LDB2: variants seen among roughly 807,000 people sequenced by gnomAD.
The protein encoded by LDB2 is LIM domain binding 2, also known as LIM domain-binding protein 2.
Under a neutral mutation model 44.3 loss-of-function variants are expected in LDB2, and 12 were observed. The ratio of observed to expected loss-of-function variants is 0.27; its 90% CI spans 0.17 to 0.44. LDB2 has a LOEUF of 0.44. Ranked by LOEUF, LDB2 falls within the 20% of genes least tolerant of loss-of-function variation. The pLI is 1.00. For missense variants in LDB2, 344 were observed against 473.5 expected, an observed-to-expected ratio of 0.73 and a Z score of 2.54; for synonymous variants, 164 against 174.8, an observed-to-expected ratio of 0.94 and a Z score of 0.49.
intron 5 of LDB2, among the ~76,000 whole-genome samples, chr4:16,555,889 G>A (rs1382988278): frequency 6.6e-6 from 1 of 152,088 alleles, no homozygotes; most frequent in Non-Finnish European, 1.5e-5. Context: ...TCAATCTCGC[G>A]TTACTCTCCC....
chr4:16,746,100 A>ATGGGCCTT (rs1306026493), intron 2 of LDB2, among the ~76,000 whole-genome samples: 3 of 152,208 alleles, frequency 2.0e-5, no homozygotes, highest in African/African-American at 7.2e-5. Flanking sequence ...AATATTGACC[A>ATGGGCCTT]TGGGCCTTTC....
intron 2 of LDB2, among the ~76,000 whole-genome samples, chr4:16,618,261 T>C (rs565028763): frequency 6.6e-6 from 1 of 152,160 alleles, no homozygotes; most frequent in Non-Finnish European, 1.5e-5. Flanking sequence ...CTGACACTTC[T>C]AACAAGTGTC....
chr4:16,796,099 C>G (rs1219134304), intron 1 of LDB2, among the ~76,000 whole-genome samples: 1 of 151,914 alleles, frequency 6.6e-6, no homozygotes, highest in Non-Finnish European at 1.5e-5. Flanking sequence ...TGAGACCAGT[C>G]TGGGCAACAT....
intron 1 of LDB2, among the ~76,000 whole-genome samples, chr4:16,861,895 C>G (rs1561469549): frequency 6.6e-6 from 1 of 152,206 alleles, no homozygotes; most frequent in African/African-American, 2.4e-5. Flanking sequence ...TGCGGGGATA[C>G]TCCCTAGGTG....
Position 16,745,753 on chromosome 4 carries a change from G to A in LDB2, c.235+13405C>T, listed in dbSNP as rs139010095. On this transcript the variant is annotated intron_variant, in intron 2 of 7. Transcript: ENST00000304523. ...CAGGCTGCAGGTACACATTTGCCAC[G>A]AAGAACTAATTATGCTTAACCTGTG... is the stretch of plus-strand genomic sequence containing the variant. 1.3e-4 allele frequency among the ~76,000 whole-genome samples: 20 copies of A among 152,276 alleles called. 1 individual carries two copies. The highest frequency in any genetic ancestry group is 4.6e-4 in the African/African-American group (19 of 41,546).
At chr4:16,652,876 G>A (rs1738706001) in intron 2 of LDB2, among the ~76,000 whole-genome samples, 1 of 152,122 alleles carries the variant, frequency 6.6e-6, no homozygotes, top group Non-Finnish European at 1.5e-5. Flanking sequence ...GAACACTCAG[G>A]AGGAGCTATT....
At chr4:16,645,543 CAAAAAAAAAAAA>C (rs34869059) in intron 2 of LDB2, among the ~76,000 whole-genome samples, 3 of 85,512 alleles carry the variant, frequency 3.5e-5, no homozygotes, top group African/African-American at 4.7e-5. Context: ...GACTCCGTCT[CAAAAAAAAAAAA>C]AAAAAAAAAG....
chr4:16,779,383 C>T (rs1772660990), intron 1 of LDB2, among the ~76,000 whole-genome samples: 1 of 152,202 alleles, frequency 6.6e-6, no homozygotes, highest in Non-Finnish European at 1.5e-5. Context: ...GCTTTCGAAG[C>T]ATGCATGGCC....
chr4:16,663,630 G>A (rs182495438), intron 2 of LDB2, among the ~76,000 whole-genome samples: 18 of 152,324 alleles, frequency 1.2e-4, no homozygotes, highest in South Asian at 6.2e-4. Context: ...GCCTGTTTAC[G>A]TTTGTGTCCT....
intron 5 of LDB2, among the ~76,000 whole-genome samples, chr4:16,561,756 C>T (rs868013185): frequency 1.8e-4 from 28 of 152,238 alleles, no homozygotes; most frequent in Middle Eastern, 3.4e-3. Context: ...GAGCCCGCAT[C>T]GCCAAGTCAA....
chr4:16,778,308 C>T (rs1444456351), intron 1 of LDB2, among the ~76,000 whole-genome samples: 1 of 152,206 alleles, frequency 6.6e-6, no homozygotes, highest in Non-Finnish European at 1.5e-5. Flanking sequence ...CACACGCATG[C>T]AAGACAAATA....
At chr4:16,560,633 G>C (rs995511009) in intron 5 of LDB2, among the ~76,000 whole-genome samples, 1 of 152,182 alleles carries the variant, frequency 6.6e-6, no homozygotes, top group African/African-American at 2.4e-5. Flanking sequence ...AATTCTACCA[G>C]AGGTACAAGG....
intron 1 of LDB2, among the ~76,000 whole-genome samples, chr4:16,796,014 C>T (rs535067552): frequency 3.3e-5 from 5 of 151,990 alleles, no homozygotes; most frequent in East Asian, 1.9e-4. Flanking sequence ...TTAAATGAGC[C>T]GGCGCGGTGG....
intron 2 of LDB2, among the ~76,000 whole-genome samples, chr4:16,650,969 T>G (rs569332093): frequency 1.3e-5 from 2 of 152,350 alleles, no homozygotes; most frequent in South Asian, 4.1e-4. Context: ...TTATCATGTG[T>G]GGGGGAAATT....
chr4:16,535,697 A>ATAGT (rs1731586553), intron 5 of LDB2, among the ~76,000 whole-genome samples: 1 of 152,220 alleles, frequency 6.6e-6, no homozygotes, highest in African/African-American at 2.4e-5. Flanking sequence ...CTGGACAATA[A>ATAGT]TAGTAAACAA....
chr4:16,758,481 T>C (rs1767142567), intron 2 of LDB2, among the ~76,000 whole-genome samples: 1 of 152,234 alleles, frequency 6.6e-6, no homozygotes, highest in Admixed American at 6.5e-5. Context: ...GATGCATCTA[T>C]GCCTCCTGGT....
chr4:16,885,712 T>C (rs772812822), intron 1 of LDB2, among the ~76,000 whole-genome samples: 4 of 152,166 alleles, frequency 2.6e-5, no homozygotes, highest in Non-Finnish European at 5.9e-5. Flanking sequence ...TTGTGAAAGA[T>C]TACGTGCTCG....
chr4:16,728,773 C>A (rs1760091326), intron 2 of LDB2, among the ~76,000 whole-genome samples: 1 of 152,124 alleles, frequency 6.6e-6, no homozygotes, highest in South Asian at 2.1e-4. Context: ...CTTCAAGGAG[C>A]ACAGCAAAGG....
intron 2 of LDB2, among the ~76,000 whole-genome samples, chr4:16,606,473 C>T (rs957416206): frequency 2.6e-5 from 4 of 152,186 alleles, no homozygotes; most frequent in South Asian, 4.1e-4. Context: ...ACAACTTTCA[C>T]CAACACTTAA....
Sources: gnomAD v4.1 joint callset for allele counts (sites outside exome capture counted in the v4.1 genomes callset) on GRCh38, gnomAD v4.1.1 for gene constraint, MANE v1.5 for transcripts, NCBI Gene and HGNC (gene_info 2026-07-23, HGNC 2026-07-21) for gene names.